Variants in PPFIA2 observed in about 807,000 individuals in gnomAD.
PPFIA2 encodes liprin-alpha-2.
Under a neutral mutation model 175.5 loss-of-function variants are expected in PPFIA2, and 46 were observed. The observed-to-expected ratio is 0.26, with a 90% CI of 0.21 to 0.34. PPFIA2 has a LOEUF of 0.34. PPFIA2 is among the 10% of genes least tolerant of loss of function. PPFIA2 has a pLI of 1.00. For synonymous variants in PPFIA2, 568 were observed against 511.4 expected (o/e 1.11, Z -1.49); for missense variants, 1,179 against 1,506.1 (o/e 0.78, Z 3.60).
intron 8 of PPFIA2, among the ~76,000 whole-genome samples, chr12:81,392,341 G>A (rs749860712): frequency 6.6e-6 from 1 of 151,734 alleles, no homozygotes; most frequent in Non-Finnish European, 1.5e-5. Context: ...TCCTGGACTG[G>A]GTTTTGAAAA....
At chr12:81,411,514 G>C (rs1307279805) in intron 7 of PPFIA2, among the ~76,000 whole-genome samples, 1 of 152,040 alleles carries the variant, frequency 6.6e-6, no homozygotes, top group Non-Finnish European at 1.5e-5. Flanking sequence ...GACAAGCTCT[G>C]ACCCTACACA....
chr12:81,551,594 A>AT (rs1010711033), intron 4 of PPFIA2, among the ~76,000 whole-genome samples: 1 of 151,900 alleles, frequency 6.6e-6, no homozygotes. Context: ...GCATCCATGG[A>AT]TTTTGGTTTC....
At chr12:81,629,501 CCA>C (rs2063122370) in intron 4 of PPFIA2, among the ~76,000 whole-genome samples, 1 of 152,084 alleles carries the variant, frequency 6.6e-6, no homozygotes, top group Non-Finnish European at 1.5e-5. Context: ...GCCCTCTCTT[CCA>C]CAGATTCAGG....
intron 3 of PPFIA2, among the ~76,000 whole-genome samples, chr12:81,708,977 T>G (rs1380209947): frequency 6.6e-6 from 1 of 152,218 alleles, no homozygotes; most frequent in Non-Finnish European, 1.5e-5. Flanking sequence ...TTTGTTACTG[T>G]AAAAGTGAAG....
Position 81,642,735 on chromosome 12 carries a change from A to ATATTATATACATACG in PPFIA2, c.303+34055_303+34056insCGTATGTATATAATA, listed in dbSNP as rs1567688489. ...GTATGTATTATATACATACATGTATATGTATGTATGTATTATATACATACA... is the reference window on the plus strand; with the variant it reads ...GTATGTATTATATACATACATGTATATATTATATACATACGTGTATGTATGTATTATATACATACA... On this transcript the variant is annotated intron_variant, in intron 4 of 32. Coordinates refer to ENST00000549396, the MANE Select transcript of PPFIA2 (RefSeq NM_003625.5). Among the ~76,000 whole-genome samples, 5 of 7,084 alleles carry ATATTATATACATACG rather than the reference A, an allele frequency of 7.1e-4. 2 individuals are homozygous for ATATTATATACATACG. The highest frequency in any genetic ancestry group is 3.8e-3 in the Admixed American group (2 of 524). The allele number at this position is 7,084 out of a possible 152,430, so 4.6% of individuals were successfully genotyped here.
At chr12:81,555,202 T>C (rs2068634775) in intron 4 of PPFIA2, among the ~76,000 whole-genome samples, 1 of 151,976 alleles carries the variant, frequency 6.6e-6, no homozygotes, top group Admixed American at 6.6e-5. Flanking sequence ...AAAACTAGTA[T>C]TTTCTAATGT....
At chr12:81,404,206 TA>T (rs555442828) in intron 8 of PPFIA2, among the ~76,000 whole-genome samples, 3 of 152,190 alleles carry the variant, frequency 2.0e-5, no homozygotes, top group Admixed American at 2.0e-4. Flanking sequence ...TGTTAGGGGA[TA>T]AAAAAAATCT....
intron 9 of PPFIA2, among the ~76,000 whole-genome samples, chr12:81,382,687 G>A (rs144580683): frequency 3.0e-4 from 46 of 152,242 alleles, no homozygotes; most frequent in African/African-American, 1.1e-3. Flanking sequence ...TAATGGATAA[G>A]GAAGACTGCA....
chr12:81,382,137 CA>C (rs2037863692), intron 9 of PPFIA2, among the ~76,000 whole-genome samples: 1 of 151,912 alleles, frequency 6.6e-6, no homozygotes. Flanking sequence ...ATAACAAGGT[CA>C]GGGGACATTT....
intron 23 of PPFIA2, 30 bp downstream of exon 23, chr12:81,299,271 T>C (rs1464580613): frequency 6.4e-7 from 1 of 1,564,384 alleles, no homozygotes; most frequent in South Asian, 1.2e-5. Context: ...TAGTGATTGA[T>C]TCAAGGGCCT....
rs961723776 is a variant in PPFIA2, at chr12:81,559,104, A to G, written c.304-101238T>C. On this transcript the variant is annotated intron_variant, in intron 4 of 32. Transcript: ENST00000549396. ...TTTGTGCAATAGCTGAAACAATTTT[A>G]AAACACACAGAGAAAATACTACCCT... Among the ~76,000 whole-genome samples the G allele has an allele frequency of 7.2e-5, 11 of 152,218 alleles. No homozygotes were observed. In the East Asian group the frequency reaches 7.7e-4, roughly 11 times the overall value.
At chr12:81,289,341 A>T (rs995366513) in intron 24 of PPFIA2, among the ~76,000 whole-genome samples, 11 of 151,970 alleles carry the variant, frequency 7.2e-5, no homozygotes, top group African/African-American at 2.2e-4. Context: ...TTTATGTTTA[A>T]TCTTGTTGAA....
chr12:81,590,686 G>T (rs1234628171), intron 4 of PPFIA2, among the ~76,000 whole-genome samples: 1 of 151,974 alleles, frequency 6.6e-6, no homozygotes, highest in Non-Finnish European at 1.5e-5. Flanking sequence ...AGATCTGATG[G>T]TTTTAAAAAT....
chr12:81,303,014 G>A (rs931114999), intron 22 of PPFIA2, among the ~76,000 whole-genome samples: 5 of 152,146 alleles, frequency 3.3e-5, no homozygotes, highest in African/African-American at 1.2e-4. Context: ...ATAGTGATCT[G>A]AACTGTATAA....
At chr12:81,654,870 T>G (rs2067537278) in intron 4 of PPFIA2, among the ~76,000 whole-genome samples, 1 of 152,146 alleles carries the variant, frequency 6.6e-6, no homozygotes, top group Admixed American at 6.6e-5. Context: ...AACTGTCTGT[T>G]AGAGCTTTTA....
In PPFIA2 at chr12:81,284,164, G is replaced by T. The variant is rs1192070284; in HGVS notation, c.2988+77C>A. On this transcript the variant is annotated intron_variant, in intron 25 of 32. Coordinates refer to ENST00000549396, the MANE Select transcript of PPFIA2 (RefSeq NM_003625.5). ...ACACACCCTATTACTCTGGTCTATTGTAAACAGATTAGTTTCCTCATCCAA... is the reference window on the plus strand; with the variant it reads ...ACACACCCTATTACTCTGGTCTATTTTAAACAGATTAGTTTCCTCATCCAA... The T allele has an allele frequency of 4.4e-6, 5 of 1,143,228 alleles. No homozygotes were observed. The African/African-American group carries it at 4.6e-5, about 11-fold the overall frequency. 70.8% of individuals were successfully genotyped at this position (1,143,228 alleles called of 1,614,324 possible).
At chr12:81,456,045 A>C (rs17008590) in intron 5 of PPFIA2, among the ~76,000 whole-genome samples, 24,987 of 152,154 alleles carry the variant, frequency 0.16, 2,487 homozygotes, top group East Asian at 0.3. Context: ...ACCTAACCAA[A>C]GCTTTGTATT....
intron 3 of PPFIA2, among the ~76,000 whole-genome samples, chr12:81,732,250 T>C (rs1400276430): frequency 6.6e-6 from 1 of 151,652 alleles, no homozygotes; most frequent in Non-Finnish European, 1.5e-5. Context: ...AAATTGAACA[T>C]ATTAATAGCA....
At chr12:81,372,817 T>C (rs1466713292) in intron 11 of PPFIA2, among the ~76,000 whole-genome samples, 2 of 151,616 alleles carry the variant, frequency 1.3e-5, no homozygotes, top group Non-Finnish European at 3.0e-5. Flanking sequence ...AATCAGAGCA[T>C]TTGAAGACTT....
Sources: gnomAD v4.1 joint callset for allele counts (sites outside exome capture counted in the v4.1 genomes callset) on GRCh38, gnomAD v4.1.1 for gene constraint, MANE v1.5 for transcripts, NCBI Gene and HGNC (gene_info 2026-07-23, HGNC 2026-07-21) for gene names.